The following CPAMD8 variants were observed in gnomAD, a reference collection of about 807,000 sequenced individuals.
CPAMD8 encodes C3 and PZP like alpha-2-macroglobulin domain containing 8.
CPAMD8 carries 146 observed loss-of-function variants against 224.7 expected under a neutral mutation model. That is an observed-to-expected ratio of 0.65 (90% CI 0.57 to 0.75). The LOEUF is 0.75. Among genes scored for constraint, CPAMD8 ranks in the 30% least tolerant of loss-of-function variants. The probability of loss-of-function intolerance (pLI) is 0.00; values close to 1 mark genes in which losing one functional copy is unlikely to be tolerated. For missense variants in CPAMD8, 2,301 were observed against 2,537.5 expected (o/e 0.91, Z 2.00); for synonymous variants, 966 against 1,044.6 (o/e 0.92, Z 1.45).
chr19:16,994,231 TAGAC>T (rs778015298), intron 11 of CPAMD8, among the ~76,000 whole-genome samples: 13 of 152,166 alleles, frequency 8.5e-5, no homozygotes, highest in South Asian at 2.1e-4. Context: ...AACATAAGGG[TAGAC>T]CTTCATGCCC....
rs375281000 is a variant in CPAMD8 at position 16,980,564 on chromosome 19, C to T, written c.1518G>A (p.Gln506=). ...CAGGGGCCGCCCGCTTGCTTCGCTG[C>T]TGGGTGGTGTGGGCAGGCTGCTGGC... ...LSGQQPAHTT[Q]QRSKRAAPAL... is the part of the protein sequence containing the mutation. Residue 506 remains glutamine (Q), a synonymous_variant, in exon 14 of 42, where the codon CAG becomes CAA. Coordinates refer to ENST00000443236, the MANE Select transcript of CPAMD8 (RefSeq NM_015692.5). 6.2e-7 allele frequency: 1 copy of T among 1,613,872 alleles called. No homozygotes were observed. Among genetic ancestry groups the T allele is most frequent in the African/African-American group, 1.3e-5 (1 of 74,930 alleles).
intron 19 of CPAMD8, among the ~76,000 whole-genome samples, chr19:16,956,471 C>G (rs1310757460): frequency 2.0e-5 from 3 of 152,012 alleles, no homozygotes; most frequent in Non-Finnish European, 4.4e-5. Flanking sequence ...TCTACTCTAG[C>G]TACAATGAAA....
At chr19:16,943,665 T>A (rs994192056) in intron 22 of CPAMD8, among the ~76,000 whole-genome samples, 1 of 152,236 alleles carries the variant, frequency 6.6e-6, no homozygotes, top group South Asian at 2.1e-4. Context: ...CTGATGGACA[T>A]TTCCTAAAAT....
In CPAMD8 at chr19:16,928,040, A is replaced by G. The variant is rs1035652576; in HGVS notation, c.3339T>C (p.Pro1113=). The G allele has an allele frequency of 6.2e-7, 1 of 1,613,566 alleles. No individual in the cohort carries two copies. The change falls in exon 25 of 42, where the codon CCT becomes CCC. Residue 1113 remains proline (P), a synonymous_variant. Coordinates refer to ENST00000443236, the MANE Select transcript of CPAMD8 (RefSeq NM_015692.5). The stretch of plus-strand genomic sequence containing the variant: ...TGGAGGCGGTGGCTCGCTCAGACCC[A>G]GGGATGGCGCCGTGTGGGACCCCCA... ...FTLGVPHGAI[P]GSERATASII...
intron 23 of CPAMD8, among the ~76,000 whole-genome samples, chr19:16,930,125 G>A (rs11878391): frequency 0.049 from 7,521 of 151,998 alleles, 619 homozygotes; most frequent in African/African-American, 0.17. Flanking sequence ...CGTGGGGGTA[G>A]GTGCCTGTAA....
At chr19:16,981,910 T>C (rs1197595256) in intron 13 of CPAMD8, among the ~76,000 whole-genome samples, 2 of 152,196 alleles carry the variant, frequency 1.3e-5, no homozygotes, top group African/African-American at 2.4e-5. Flanking sequence ...TCCAATGAGA[T>C]GATGTGTGTG....
In CPAMD8 at chr19:16,893,009, A is replaced by C; in HGVS notation, c.*99T>G. 1 of 773,520 alleles carries C rather than the reference A, an allele frequency of 1.3e-6. No individual in the cohort carries two copies. Among genetic ancestry groups the C allele is most frequent in the Non-Finnish European group, 2.4e-6 (1 of 414,704 alleles). The allele number at this position is 773,520 out of a possible 1,614,324, so 47.9% of individuals were successfully genotyped here. On this transcript the variant is annotated 3_prime_UTR_variant, in exon 42 of 42. Transcript: ENST00000443236. ...ATATCCTGGAGTGATCATTTACCAG[A>C]GTTTTCTGAGATGTTAACCACAGGC...
Position 16,997,093 on chromosome 19 carries a change from C to T in CPAMD8, c.1095+18G>A. The T allele has an allele frequency of 3.2e-6, 5 of 1,543,162 alleles. No individual in the cohort carries two copies. The highest frequency in any genetic ancestry group is 4.5e-6 in the Non-Finnish European group (5 of 1,115,550). On this transcript the variant is annotated intron_variant, in intron 11 of 41. Transcript: ENST00000443236. ...GGTGGTCCTTGGGCGGGAGGCAGCA[C>T]AGTCACCCCCAAGTTACCTTCCCCA...
intron 3 of CPAMD8, among the ~76,000 whole-genome samples, 200 bp downstream of exon 3, chr19:17,020,131 C>T (rs937516560): frequency 2.0e-4 from 31 of 151,680 alleles, no homozygotes; most frequent in African/African-American, 6.5e-4. Context: ...TGTGCCACCA[C>T]GCCTGGCTAA....
chr19:16,919,218 A>G (rs2053077839), intron 27 of CPAMD8, among the ~76,000 whole-genome samples: 1 of 152,096 alleles, frequency 6.6e-6, no homozygotes, highest in African/African-American at 2.4e-5. Context: ...AAGAAAAAAA[A>G]AAAGGAATAG....
intron 8 of CPAMD8, among the ~76,000 whole-genome samples, chr19:17,004,062 C>G (rs1358435759): frequency 6.6e-6 from 1 of 151,920 alleles, no homozygotes; most frequent in Non-Finnish European, 1.5e-5. Flanking sequence ...CGCGCCACCA[C>G]GCCCGGCTAA....
intron 18 of CPAMD8, among the ~76,000 whole-genome samples, chr19:16,963,320 T>C (rs2054716728): frequency 6.6e-6 from 1 of 152,100 alleles, no homozygotes; most frequent in Admixed American, 6.6e-5. Context: ...GAGACACACA[T>C]AGTCTCAAAA....
At chr19:16,916,392 T>C (rs1327781114) in intron 27 of CPAMD8, among the ~76,000 whole-genome samples, 1 of 151,890 alleles carries the variant, frequency 6.6e-6, no homozygotes, top group African/African-American at 2.4e-5. Flanking sequence ...CCCGAGTAGC[T>C]GGGATTGCCA....
At chr19:16,942,079 A>G (rs1017032439) in intron 22 of CPAMD8, among the ~76,000 whole-genome samples, 6 of 152,098 alleles carry the variant, frequency 3.9e-5, no homozygotes, top group Non-Finnish European at 7.4e-5. Context: ...ACCTCCTGCC[A>G]TGATTGTAAG....
intron 11 of CPAMD8, 62 bp from the exon 12 acceptor site, chr19:16,993,648 C>A: frequency 6.8e-7 from 1 of 1,476,076 alleles, no homozygotes. Flanking sequence ...AACTGATCTG[C>A]AGAATCAACG....
chr19:16,921,059 C>T (rs1233540706), intron 27 of CPAMD8, among the ~76,000 whole-genome samples: 1 of 151,936 alleles, frequency 6.6e-6, no homozygotes, highest in East Asian at 1.9e-4. Flanking sequence ...AGGCAGGGCC[C>T]TGGGACTAGA....
At position 16,903,610 on chromosome 19, in the gene CPAMD8, G is replaced by A. The variant is rs2052348793; in HGVS notation, c.4421C>T (p.Pro1474Leu). 1 of 1,614,070 alleles carries A rather than the reference G, an allele frequency of 6.2e-7. No homozygotes were observed. Among genetic ancestry groups the A allele is most frequent in the Admixed American group, 1.7e-5 (1 of 60,006 alleles). Residue 1474 changes from proline (P) to leucine (L), a missense_variant, in exon 34 of 42, where the codon CCC becomes CTC. This residue lies in a region of CPAMD8 where 1,709 missense variants were observed against 1,753.2 expected (regional missense o/e 0.97). Transcript: ENST00000443236. ...CTTGGCACTCACAAACAGCCCCGTG[G>A]GGAGGCTGGGGATCTGGAGACAGAA... The part of the protein sequence containing the change: ...VLQTAAIPSL[P>L]TGLFVSAKGD...
At chr19:16,978,603 G>T (rs2055366122) in intron 14 of CPAMD8, among the ~76,000 whole-genome samples, 1 of 152,166 alleles carries the variant, frequency 6.6e-6, no homozygotes, top group African/African-American at 2.4e-5. Context: ...ATCACTGCTG[G>T]AGGGGATGCT....
intron 23 of CPAMD8, among the ~76,000 whole-genome samples, chr19:16,933,953 T>C (rs73016307): frequency 0.1 from 15,399 of 152,246 alleles, 1,011 homozygotes; most frequent in East Asian, 0.17. Context: ...AACAGATGAA[T>C]GGATGAATAC....
Sources: allele counts gnomAD v4.1 joint callset (sites outside exome capture counted in the v4.1 genomes callset), GRCh38; gene constraint gnomAD v4.1.1; regional missense constraint gnomAD v4.1.1; transcripts MANE v1.5; gene names NCBI Gene and HGNC (gene_info 2026-07-23, HGNC 2026-07-21).